Variants in ACTR3B observed in about 807,000 individuals in gnomAD.
The protein encoded by ACTR3B is actin related protein 3B.
In ACTR3B, 8 loss-of-function variants were observed where a neutral mutation model predicts 59.0. The ratio of observed to expected loss-of-function variants is 0.14; its 90% confidence interval spans 0.08 to 0.24. The LOEUF is 0.24. Among genes scored for constraint, ACTR3B ranks in the 10% least tolerant of loss-of-function variants. The pLI is 1.00. For missense variants in ACTR3B, 245 were observed against 552.3 expected (o/e 0.44, Z 5.58); for synonymous variants, 148 against 197.9 (o/e 0.75, Z 2.12).
intron 9 of ACTR3B, among the ~76,000 whole-genome samples, chr7:152,840,963 C>T (rs1478550425): frequency 0.016 from 16 of 1,006 alleles, no homozygotes; most frequent in African/African-American, 0.042. Context: ...CCTTTCTAAC[C>T]GCAGGCTGTA....
intron 6 of ACTR3B, among the ~76,000 whole-genome samples, chr7:152,819,750 C>T (rs1432257517): frequency 1.3e-5 from 2 of 151,886 alleles, no homozygotes; most frequent in Non-Finnish European, 2.9e-5. Context: ...TATCATTGGC[C>T]CCAGCAGGGT....
At chr7:152,783,026 A>T in intron 1 of ACTR3B, among the ~76,000 whole-genome samples, 161 bp from the exon 2 acceptor site, 1 of 138,532 alleles carries the variant, frequency 7.2e-6, no homozygotes, top group African/African-American at 2.6e-5. Flanking sequence ...TTAGTGTTTG[A>T]TTCTCAGTGA....
intron 10 of ACTR3B, 124 bp from the exon 11 acceptor site, chr7:152,853,370 A>G: frequency 1.3e-6 from 1 of 747,360 alleles, no homozygotes. Flanking sequence ...GCTGGGTGTG[A>G]GGTGGTGCTC....
In ACTR3B at chr7:152,784,491, T is replaced by G. The variant is rs377636896; in HGVS notation, c.100+1249T>G. 3.7e-4 allele frequency among the ~76,000 whole-genome samples: 56 copies of G among 152,256 alleles called. No homozygotes were observed. In the East Asian group the frequency reaches 0.01, roughly 27 times the overall value. On this transcript the variant is annotated intron_variant, in intron 2 of 11. Coordinates refer to ENST00000256001, the MANE Select transcript of ACTR3B (RefSeq NM_020445.6). ...AAAACTGGCCATGAATGTGATTTTC[T>G]AGATCTAAACGCTCTGCTGCCATGA...
chr7:152,829,745 T>C (rs867867804), intron 9 of ACTR3B, among the ~76,000 whole-genome samples: 1 of 152,200 alleles, frequency 6.6e-6, no homozygotes, highest in East Asian at 1.9e-4. Context: ...GTGACTCTAA[T>C]GTGCTTCTAA....
chr7:152,840,370 G>T (rs1183921773), intron 9 of ACTR3B, among the ~76,000 whole-genome samples: 5 of 152,068 alleles, frequency 3.3e-5, no homozygotes, highest in Non-Finnish European at 7.4e-5. Flanking sequence ...GCCTTCCCTG[G>T]GCCGGTGCTG....
intron 9 of ACTR3B, among the ~76,000 whole-genome samples, chr7:152,838,613 G>A (rs1441229287): frequency 4.6e-5 from 7 of 151,874 alleles, no homozygotes; most frequent in Non-Finnish European, 8.8e-5. Context: ...GCAAACCACC[G>A]TGGCACGTGT....
intron 2 of ACTR3B, among the ~76,000 whole-genome samples, chr7:152,790,391 C>A (rs1469713675): frequency 1.3e-5 from 2 of 152,158 alleles, no homozygotes; most frequent in Non-Finnish European, 2.9e-5. Context: ...CTTTGTTGCC[C>A]AGGCTGGTCT....
chr7:152,761,371 A>T (rs2098088794), intron 1 of ACTR3B, among the ~76,000 whole-genome samples: 1 of 152,188 alleles, frequency 6.6e-6, no homozygotes, highest in African/African-American at 2.4e-5. Flanking sequence ...CCACATTTGC[A>T]TGTGAGATTT....
intron 3 of ACTR3B, among the ~76,000 whole-genome samples, chr7:152,801,156 T>G (rs1422881459): frequency 1.3e-5 from 2 of 152,300 alleles, no homozygotes; most frequent in South Asian, 4.1e-4. Flanking sequence ...CTTGGCTCAC[T>G]GCAGCCTCGA....
intron 1 of ACTR3B, among the ~76,000 whole-genome samples, chr7:152,775,382 T>G (rs1285425696): frequency 6.6e-6 from 1 of 152,046 alleles, no homozygotes; most frequent in African/African-American, 2.4e-5. Context: ...TTTGCAGAAC[T>G]GAAAAGTCTA....
At chr7:152,842,460 G>A (rs916891858) in intron 9 of ACTR3B, among the ~76,000 whole-genome samples, 2 of 152,176 alleles carry the variant, frequency 1.3e-5, no homozygotes, top group Non-Finnish European at 2.9e-5. Flanking sequence ...TTTATTTCTG[G>A]AATTTTCCAT....
At chr7:152,769,179 A>C (rs1234551492) in intron 1 of ACTR3B, among the ~76,000 whole-genome samples, 1 of 152,120 alleles carries the variant, frequency 6.6e-6, no homozygotes, top group Non-Finnish European at 1.5e-5. Flanking sequence ...GTGTGTACCT[A>C]GTCTGTCATG....
At chr7:152,838,753 AC>A (rs11318669) in intron 9 of ACTR3B, among the ~76,000 whole-genome samples, 24,153 of 144,632 alleles carry the variant, frequency 0.17, no homozygotes, top group African/African-American at 0.36. Context: ...ACAGCCACTG[AC>A]CACTTTTTGC....
At position 152,778,227 on chromosome 7, in the gene ACTR3B, ATTT is replaced by A. The variant is rs58107330; in HGVS notation, c.45-4945_45-4943del. On this transcript the variant is annotated intron_variant, in intron 1 of 11. Transcript: ENST00000256001. ...TTTTACTTTCCTGGATTGAGCCTAGATTTTTTTTTTTTTTTTTACTACTTATGT... is the reference window on the plus strand; with the variant it reads ...TTTTACTTTCCTGGATTGAGCCTAGATTTTTTTTTTTTTTACTACTTATGT... 3.7e-3 allele frequency among the ~76,000 whole-genome samples: 482 copies of A among 129,676 alleles called. 3 individuals carry two copies. The highest frequency in any genetic ancestry group is 0.01 in the African/African-American group (364 of 34,888). 85.1% of individuals were successfully genotyped at this position (129,676 alleles called of 152,430 possible).
At chr7:152,767,057 GGATTATA>G (rs1170149707) in intron 1 of ACTR3B, among the ~76,000 whole-genome samples, 1 of 150,220 alleles carries the variant, frequency 6.7e-6, no homozygotes, top group Non-Finnish European at 1.5e-5. Context: ...CAAAGTGCTG[GGATTATA>G]GATGTGAGCC....
chr7:152,810,355 C>T (rs994302419), intron 4 of ACTR3B, among the ~76,000 whole-genome samples: 5 of 151,904 alleles, frequency 3.3e-5, no homozygotes, highest in African/African-American at 1.2e-4. Flanking sequence ...GATCCACCTG[C>T]CCCTGCCTCC....
chr7:152,764,511 G>C (rs2098101789), intron 1 of ACTR3B, among the ~76,000 whole-genome samples: 2 of 151,896 alleles, frequency 1.3e-5, no homozygotes, highest in South Asian at 4.1e-4. Flanking sequence ...GGGCACACTG[G>C]TGGGCTAATT....
chr7:152,775,214 A>G (rs1444397063), intron 1 of ACTR3B, among the ~76,000 whole-genome samples: 1 of 151,608 alleles, frequency 6.6e-6, no homozygotes, highest in East Asian at 1.9e-4. Context: ...AAAAAAAAAA[A>G]AAGATGTAAA....
Sources: gnomAD v4.1 joint callset for allele counts (sites outside exome capture counted in the v4.1 genomes callset) on GRCh38, gnomAD v4.1.1 for gene constraint, MANE v1.5 for transcripts, NCBI Gene and HGNC (gene_info 2026-07-23, HGNC 2026-07-21) for gene names.